CHLSN: variants seen among roughly 807,000 people sequenced by gnomAD.
CHLSN encodes cholesin.
chr7:1,044,948 C>A, the CHLSN span, among the ~76,000 whole-genome samples: 1 of 152,276 alleles, frequency 6.6e-6, no homozygotes. Flanking sequence ...GCCACCGGCT[C>A]TCCCATGTCC....
the CHLSN span, among the ~76,000 whole-genome samples, chr7:1,019,079 C>G: frequency 1.6e-4 from 24 of 151,850 alleles, no homozygotes; most frequent in African/African-American, 5.3e-4. Flanking sequence ...TCTGTAATCC[C>G]AGCTACCCGA....
At chr7:1,136,261 A>G in the CHLSN span, among the ~76,000 whole-genome samples, 1 of 114,978 alleles carries the variant, frequency 8.7e-6, no homozygotes, top group Admixed American at 1.0e-4. Flanking sequence ...ATATATAAAC[A>G]TATATAAATA....
At chr7:1,051,738 C>CT in the CHLSN span, among the ~76,000 whole-genome samples, 3 of 152,238 alleles carry the variant, frequency 2.0e-5, no homozygotes, top group Non-Finnish European at 4.4e-5. Flanking sequence ...CTTTGGGAGA[C>CT]TGAGGCAGGA....
At chr7:1,045,070 C>T in the CHLSN span, among the ~76,000 whole-genome samples, 16,266 of 152,266 alleles carry the variant, frequency 0.11, 1,157 homozygotes, top group Middle Eastern at 0.2. Flanking sequence ...ATGGAGGTGT[C>T]GGATCTGCTG....
the CHLSN span, among the ~76,000 whole-genome samples, chr7:1,050,367 G>T: frequency 2.0e-5 from 3 of 152,254 alleles, no homozygotes; most frequent in African/African-American, 7.2e-5. Context: ...TCCACCTGCG[G>T]CGGGCACATC....
chr7:1,092,393 G>C, the CHLSN span: 2 of 1,599,708 alleles, frequency 1.3e-6, no homozygotes. Flanking sequence ...GTCACGCTGG[G>C]CTTCATCGTG....
the CHLSN span, among the ~76,000 whole-genome samples, chr7:1,106,661 G>T: frequency 1.3e-5 from 2 of 152,238 alleles, no homozygotes; most frequent in Admixed American, 6.5e-5. Context: ...CCCACTCAGG[G>T]TGTATTTCAA....
chr7:1,134,089 A>C, the CHLSN span, among the ~76,000 whole-genome samples: 1 of 151,916 alleles, frequency 6.6e-6, no homozygotes, highest in Non-Finnish European at 1.5e-5. Flanking sequence ...GAGCCACCAC[A>C]CCTGGCCCCA....
the CHLSN span, among the ~76,000 whole-genome samples, chr7:1,013,821 TTGA>T: frequency 6.6e-6 from 1 of 152,196 alleles, no homozygotes. Context: ...CATTTCAGAC[TTGA>T]TGAAATACAG....
chr7:1,036,972 G>A, the CHLSN span, among the ~76,000 whole-genome samples: 5 of 147,390 alleles, frequency 3.4e-5, 2 homozygotes, highest in Non-Finnish European at 7.7e-5. Context: ...TTAGCCAGGC[G>A]TGGTGGCATG....
the CHLSN span, chr7:1,025,173 G>C: frequency 4.6e-5 from 7 of 152,442 alleles, no homozygotes; most frequent in African/African-American, 1.7e-4. Context: ...CCAGGGTGGA[G>C]GCCGGAGAAG....
At chr7:1,136,307 AAT>A in the CHLSN span, among the ~76,000 whole-genome samples, 448 of 118,226 alleles carry the variant, frequency 3.8e-3, 15 homozygotes, top group African/African-American at 0.015. Context: ...AACATATATA[AAT>A]ATATATAAAC....
At chr7:1,023,601 A>T in the CHLSN span, among the ~76,000 whole-genome samples, 1 of 147,484 alleles carries the variant, frequency 6.8e-6, no homozygotes, top group African/African-American at 2.5e-5. The surrounding 1 kb of genome is among the most constrained non-coding windows in gnomAD (Gnocchi z 5.0). Context: ...CATGACGAAG[A>T]CTGTGGGGGC....
the CHLSN span, among the ~76,000 whole-genome samples, chr7:1,071,881 C>T: frequency 6.6e-5 from 10 of 152,324 alleles, no homozygotes; most frequent in South Asian, 1.9e-3. Flanking sequence ...AGAAGGAGGG[C>T]TTCGGCACCC....
the CHLSN span, among the ~76,000 whole-genome samples, chr7:1,044,144 G>A: frequency 6.6e-6 from 1 of 152,222 alleles, no homozygotes; most frequent in Non-Finnish European, 1.5e-5. Context: ...TGAAGAAAGA[G>A]GGGCAGGTGT....
chr7:1,109,753 C>T, the CHLSN span, among the ~76,000 whole-genome samples: 1 of 152,050 alleles, frequency 6.6e-6, no homozygotes, highest in East Asian at 1.9e-4. Context: ...GCGGCGGAGC[C>T]CTTCCCGCCC....
the CHLSN span, among the ~76,000 whole-genome samples, chr7:1,018,470 G>A: frequency 2.6e-5 from 4 of 152,122 alleles, no homozygotes; most frequent in African/African-American, 2.4e-5. Context: ...CATGACGAGG[G>A]AGTCGTGATG....
chr7:985,479 C>T, the CHLSN span, among the ~76,000 whole-genome samples: 12 of 152,172 alleles, frequency 7.9e-5, no homozygotes, highest in South Asian at 2.1e-4. Flanking sequence ...AGGACCCATC[C>T]GACGTTAGCT....
At chr7:980,086 C>G in the CHLSN span, among the ~76,000 whole-genome samples, 1 of 152,220 alleles carries the variant, frequency 6.6e-6, no homozygotes, top group Non-Finnish European at 1.5e-5. Flanking sequence ...TTACGTTACG[C>G]AAAGACAGTG....
Sources: allele counts gnomAD v4.1 joint callset (sites outside exome capture counted in the v4.1 genomes callset), GRCh38; gene constraint gnomAD v4.1.1; non-coding constraint Gnocchi (gnomAD v3.1); transcripts MANE v1.5; gene names NCBI Gene and HGNC (gene_info 2026-07-23, HGNC 2026-07-21).